RHOBTB1: variants seen among roughly 807,000 people sequenced by gnomAD.
RHOBTB1 encodes rho-related BTB domain-containing protein 1.
Under a neutral mutation model 71.6 loss-of-function variants are expected in RHOBTB1, and 40 were observed. The ratio of observed to expected loss-of-function variants is 0.56; its 90% confidence interval spans 0.43 to 0.73. The LOEUF (loss-of-function observed/expected upper bound fraction) is 0.73. Among genes scored for constraint, RHOBTB1 ranks in the 30% least tolerant of loss-of-function variants. The probability of loss-of-function intolerance (pLI) is 0.00; values close to 1 mark genes in which losing one functional copy is unlikely to be tolerated. For synonymous variants in RHOBTB1, 319 were observed against 334.9 expected, an observed-to-expected ratio of 0.95 and a Z score of 0.52; for missense variants, 797 against 894.0, an observed-to-expected ratio of 0.89 and a Z score of 1.38.
At position 60,877,957 on chromosome 10, in the gene RHOBTB1, T is replaced by G; in HGVS notation, c.1677A>C (p.Leu559Phe). Residue 559 changes from leucine (L) to phenylalanine (F), a missense_variant, in exon 8 of 11, where the codon TTA becomes TTC. Physicochemically the swap from Leu to Phe is conservative, Grantham distance 22. Coordinates refer to ENST00000337910, the MANE Select transcript of RHOBTB1 (RefSeq NM_014836.5). ...GGCAAAATCTGTTTGCCAAGGCAAT[T>G]AATTCCAGCGGGTCCAGATCCAAGT... ...SPNLDLDPLE[L>F]IALANRFCLP... 1 of 1,614,058 alleles carries G rather than the reference T, an allele frequency of 6.2e-7. No individual in the cohort carries two copies. The highest frequency in any genetic ancestry group is 8.5e-7 in the Non-Finnish European group (1 of 1,179,942).
chr10:60,878,368 C>T (rs2081147229), intron 7 of RHOBTB1, among the ~76,000 whole-genome samples: 1 of 152,110 alleles, frequency 6.6e-6, no homozygotes, highest in South Asian at 2.1e-4. Context: ...TGCCAAGCAC[C>T]TTATAATACT....
rs950609853 is a variant in RHOBTB1 at position 60,966,551 on chromosome 10, A to G, written c.-62+19294T>C. Among the ~76,000 whole-genome samples, 5 of 151,924 alleles carry G rather than the reference A, an allele frequency of 3.3e-5. No individual in the cohort carries two copies. In the East Asian group the frequency reaches 7.7e-4, roughly 24 times the overall value. On this transcript the variant is annotated intron_variant, in intron 2 of 11. Transcript: ENST00000357917. ...GAAACTATAATGAAGAAACCACTACAGTGGTTATTATGTGATCTTCTTTCT... is the reference window on the plus strand; with the variant it reads ...GAAACTATAATGAAGAAACCACTACGGTGGTTATTATGTGATCTTCTTTCT...
At chr10:60,961,004 C>T (rs1156560300) in intron 2 of RHOBTB1, among the ~76,000 whole-genome samples, 1 of 152,188 alleles carries the variant, frequency 6.6e-6, no homozygotes, top group South Asian at 2.1e-4. Flanking sequence ...GATTCACTAA[C>T]TCTATCTGTA....
intron 2 of RHOBTB1, among the ~76,000 whole-genome samples, chr10:60,952,296 A>C (rs1284185717): frequency 3.3e-5 from 5 of 152,190 alleles, no homozygotes; most frequent in Non-Finnish European, 7.4e-5. Context: ...TGTTTCACAA[A>C]GATTACAGTG....
intron 2 of RHOBTB1, among the ~76,000 whole-genome samples, chr10:60,921,817 C>T (rs2083580338): frequency 6.6e-6 from 1 of 152,136 alleles, no homozygotes; most frequent in Non-Finnish European, 1.5e-5. Flanking sequence ...AGAGAAACAC[C>T]TTGAGGGACA....
At chr10:60,970,842 A>C (rs1315598865) in intron 2 of RHOBTB1, among the ~76,000 whole-genome samples, 1 of 152,102 alleles carries the variant, frequency 6.6e-6, no homozygotes, top group Non-Finnish European at 1.5e-5. Flanking sequence ...AGTTGGACCA[A>C]ATAACAAAAA....
chr10:60,973,093 T>A (rs575345122), intron 2 of RHOBTB1, among the ~76,000 whole-genome samples: 8 of 152,220 alleles, frequency 5.3e-5, no homozygotes, highest in African/African-American at 1.9e-4. Flanking sequence ...TCTGTTAATT[T>A]TTTTTTATGA....
chr10:60,913,803 A>G (rs1169759279), intron 2 of RHOBTB1, among the ~76,000 whole-genome samples: 1 of 152,200 alleles, frequency 6.6e-6, no homozygotes. Context: ...CCCATTTTCC[A>G]GTCATTGGAC....
intron 2 of RHOBTB1, among the ~76,000 whole-genome samples, chr10:60,959,114 A>G (rs1230886528): frequency 6.6e-6 from 1 of 152,160 alleles, no homozygotes; most frequent in Admixed American, 6.5e-5. Context: ...ATAGAAAACC[A>G]TATGTTCAAG....
At chr10:60,948,772 C>A (rs1018106638), upstream of RHOBTB1, among the ~76,000 whole-genome samples, 1 of 152,226 alleles carries the variant, frequency 6.6e-6, no homozygotes, top group Non-Finnish European at 1.5e-5. Context: ...TAGATTCTTG[C>A]AGTTAAGCCA....
upstream of RHOBTB1, among the ~76,000 whole-genome samples, chr10:60,948,945 A>G (rs1221245671): frequency 6.6e-6 from 1 of 152,228 alleles, no homozygotes; most frequent in Non-Finnish European, 1.5e-5. Context: ...GCAGTGGTTT[A>G]GTGGCAGCTT....
intron 1 of RHOBTB1, among the ~76,000 whole-genome samples, chr10:61,001,022 C>T (rs1040244427): frequency 4.6e-5 from 7 of 152,182 alleles, no homozygotes; most frequent in African/African-American, 1.7e-4. Flanking sequence ...TCTAATCCCT[C>T]TGGCCACCCC....
At chr10:60,881,177 T>A (rs1244852847) in intron 7 of RHOBTB1, among the ~76,000 whole-genome samples, 1 of 152,218 alleles carries the variant, frequency 6.6e-6, no homozygotes, top group Non-Finnish European at 1.5e-5. Flanking sequence ...ATGTAAGATG[T>A]GCCTTTTGTC....
chr10:60,992,231 G>A (rs1565209691), intron 1 of RHOBTB1, among the ~76,000 whole-genome samples: 1 of 152,172 alleles, frequency 6.6e-6, no homozygotes, highest in African/African-American at 2.4e-5. Flanking sequence ...TCTCATTCAC[G>A]CTTAGTAGTG....
intron 4 of RHOBTB1, among the ~76,000 whole-genome samples, chr10:60,894,074 G>A (rs535674306): frequency 2.0e-4 from 31 of 152,284 alleles, no homozygotes; most frequent in African/African-American, 7.2e-4. Flanking sequence ...AATGAGAAGA[G>A]TCAAGTCGAT....
At chr10:60,919,071 A>G (rs1247546157) in intron 2 of RHOBTB1, among the ~76,000 whole-genome samples, 1 of 152,182 alleles carries the variant, frequency 6.6e-6, no homozygotes, top group Admixed American at 6.5e-5. Flanking sequence ...CTATCAAGGC[A>G]TGGTGAGCAG....
intron 2 of RHOBTB1, among the ~76,000 whole-genome samples, chr10:60,960,102 G>GT (rs1412945428): frequency 9.2e-5 from 14 of 152,274 alleles, no homozygotes; most frequent in Non-Finnish European, 1.9e-4. Flanking sequence ...AGGTGGTACT[G>GT]TAAGAAGCTT....
intron 2 of RHOBTB1, among the ~76,000 whole-genome samples, chr10:60,934,582 T>C (rs1256369389): frequency 6.6e-6 from 1 of 152,222 alleles, no homozygotes; most frequent in African/African-American, 2.4e-5. Context: ...TAAAGAATAT[T>C]AGAATCTGAT....
chr10:60,874,564 G>T (rs952643170), intron 9 of RHOBTB1, among the ~76,000 whole-genome samples: 2 of 152,198 alleles, frequency 1.3e-5, no homozygotes, highest in African/African-American at 4.8e-5. Context: ...CAGAACAGCT[G>T]CAATGAGATG....
Sources: gnomAD v4.1 joint callset for allele counts (sites outside exome capture counted in the v4.1 genomes callset) on GRCh38, gnomAD v4.1.1 for gene constraint, MANE v1.5 for transcripts, NCBI Gene and HGNC (gene_info 2026-07-23, HGNC 2026-07-21) for gene names.